The following PTPRN2 variants were observed in gnomAD, a reference collection of about 807,000 sequenced individuals.
PTPRN2 encodes protein tyrosine phosphatase receptor type N2.
A neutral mutation model predicts 118.8 loss-of-function variants in PTPRN2; 74 were observed. That is an observed-to-expected ratio of 0.62 (90% CI 0.52 to 0.76). PTPRN2 has a LOEUF of 0.76. PTPRN2 is among the 30% of genes least tolerant of loss of function. The pLI, the probability that PTPRN2 is intolerant of heterozygous loss-of-function variation, is 0.00. For missense variants in PTPRN2, 1,481 were observed against 1,394.4 expected (o/e 1.06, Z -0.99); for synonymous variants, 641 against 608.0 (o/e 1.05, Z -0.80).
chr7:157,880,920 G>T (rs1295586178), intron 12 of PTPRN2, among the ~76,000 whole-genome samples: 1 of 152,190 alleles, frequency 6.6e-6, no homozygotes, highest in Non-Finnish European at 1.5e-5. Flanking sequence ...ATGATAAAAA[G>T]GCACTCTGAG....
chr7:158,309,568 T>C (rs2151069733), intron 3 of PTPRN2, among the ~76,000 whole-genome samples: 1 of 152,288 alleles, frequency 6.6e-6, no homozygotes, highest in South Asian at 2.1e-4. Flanking sequence ...ATTTGACAAG[T>C]TATGTATTAC....
Position 158,319,424 on chromosome 7 carries a change from A to ACG in PTPRN2, c.164-2493_164-2492insCG, listed in dbSNP as rs1563131175. On this transcript the variant is annotated intron_variant, in intron 2 of 22. Coordinates refer to ENST00000389418, the MANE Select transcript of PTPRN2 (RefSeq NM_002847.5). Reference sequence around the variant, plus strand: ...CACACACACACACAGCCTCCCACACACACACACACACAGCCTCCCTCACAC... The same window carrying ACG: ...CACACACACACACAGCCTCCCACACACGCACACACACACAGCCTCCCTCACAC... Among the ~76,000 whole-genome samples the ACG allele has an allele frequency of 3.7e-4, 38 of 103,168 alleles. 8 individuals are homozygous for ACG. Among genetic ancestry groups the ACG allele is most frequent in the Non-Finnish European group, 6.7e-4 (33 of 49,146 alleles). 67.7% of individuals were successfully genotyped at this position (103,168 alleles called of 152,430 possible). A position where few individuals can be genotyped will look rare whatever the true frequency, so the allele number is the denominator to read the frequency against.
At chr7:157,737,743 G>A (rs780542960) in intron 12 of PTPRN2, among the ~76,000 whole-genome samples, 13 of 152,372 alleles carry the variant, frequency 8.5e-5, no homozygotes, top group East Asian at 1.9e-4. Flanking sequence ...TTACAGCATC[G>A]TGGGTGCCGG....
At chr7:157,571,763 C>T (rs1799769904) in intron 19 of PTPRN2, among the ~76,000 whole-genome samples, 1 of 152,200 alleles carries the variant, frequency 6.6e-6, no homozygotes, top group South Asian at 2.1e-4. Flanking sequence ...AACCAGTGGA[C>T]TCCCGGCCTG....
At chr7:158,162,046 A>C (rs1434095883) in intron 6 of PTPRN2, among the ~76,000 whole-genome samples, 1 of 152,020 alleles carries the variant, frequency 6.6e-6, no homozygotes, top group Non-Finnish European at 1.5e-5. Flanking sequence ...ACCACCACAC[A>C]CCTCTCAGAA....
chr7:157,876,596 C>T lies in PTPRN2; in HGVS notation c.1788+22077G>A, dbSNP rs528050242. Among the ~76,000 whole-genome samples, 209 of 152,306 alleles carry T rather than the reference C, an allele frequency of 1.4e-3. 1 individual carries two copies. The South Asian group carries it at 0.018, about 13-fold the overall frequency. ...TGCACAGACGGCCAAGGCAGGCAGA[C>T]GGCGGCAATCAGCAGCTTCCACGTC... On this transcript the variant is annotated intron_variant, in intron 12 of 22. Coordinates refer to ENST00000389418, the MANE Select transcript of PTPRN2 (RefSeq NM_002847.5).
At chr7:158,179,954 C>T (rs2150654566) in intron 5 of PTPRN2, among the ~76,000 whole-genome samples, 1 of 152,366 alleles carries the variant, frequency 6.6e-6, no homozygotes, top group Middle Eastern at 3.4e-3. Context: ...AATATGACTG[C>T]AAAGCTTCCC....
chr7:158,586,807 C>A (rs1214764567), intron 1 of PTPRN2, among the ~76,000 whole-genome samples: 2 of 152,218 alleles, frequency 1.3e-5, no homozygotes, highest in African/African-American at 4.8e-5. Flanking sequence ...ACATCCGAGG[C>A]CCGGCCCCTC....
At chr7:158,311,313 G>A (rs1301472192) in intron 3 of PTPRN2, among the ~76,000 whole-genome samples, 1 of 152,026 alleles carries the variant, frequency 6.6e-6, no homozygotes. Context: ...TGGTTTTTTT[G>A]CTTTTTGCTT....
chr7:157,613,227 G>C (rs922880553), intron 15 of PTPRN2, among the ~76,000 whole-genome samples: 2 of 152,264 alleles, frequency 1.3e-5, no homozygotes, highest in Admixed American at 6.5e-5. Context: ...CCGTTTTCTG[G>C]GCTAAGCAGC....
chr7:157,996,695 G>A (rs934698284), intron 11 of PTPRN2, among the ~76,000 whole-genome samples: 3 of 152,146 alleles, frequency 2.0e-5, no homozygotes, highest in African/African-American at 4.8e-5. Flanking sequence ...AGCTTTCTTC[G>A]TCTCTAGCTT....
chr7:157,971,714 C>T (rs945423025), intron 11 of PTPRN2, among the ~76,000 whole-genome samples: 1 of 151,956 alleles, frequency 6.6e-6, no homozygotes, highest in African/African-American at 2.4e-5. Context: ...AAAAAAAACC[C>T]ACCGTTTTAG....
At chr7:157,721,015 C>T (rs759734177) in intron 12 of PTPRN2, among the ~76,000 whole-genome samples, 2 of 146,828 alleles carry the variant, frequency 1.4e-5, no homozygotes, top group Non-Finnish European at 3.0e-5. Context: ...GTCAGGACAG[C>T]GGGATGGACG....
chr7:157,631,935 G>T (rs953283637), intron 14 of PTPRN2, among the ~76,000 whole-genome samples: 1 of 152,240 alleles, frequency 6.6e-6, no homozygotes, highest in Admixed American at 6.5e-5. Flanking sequence ...ACTGTAAGAG[G>T]ACAGATTCCT....
At chr7:157,702,243 G>T (rs1279273543) in intron 12 of PTPRN2, among the ~76,000 whole-genome samples, 1 of 151,158 alleles carries the variant, frequency 6.6e-6, no homozygotes, top group Admixed American at 6.6e-5. Flanking sequence ...AAGCCTGGTC[G>T]GTCCTGGTGT....
intron 11 of PTPRN2, among the ~76,000 whole-genome samples, chr7:157,914,522 G>A (rs997329226): frequency 6.6e-6 from 1 of 152,100 alleles, no homozygotes; most frequent in Non-Finnish European, 1.5e-5. Flanking sequence ...AGATGTGTAA[G>A]ATGATCCTCG....
chr7:157,900,433 G>T (rs77476869), intron 11 of PTPRN2, among the ~76,000 whole-genome samples: 7,883 of 152,290 alleles, frequency 0.052, 678 homozygotes, highest in African/African-American at 0.18. Flanking sequence ...CGAGCAGTGA[G>T]TCTAAGGGTG....
chr7:158,332,309 C>T (rs1804637790), intron 2 of PTPRN2, among the ~76,000 whole-genome samples: 1 of 46,702 alleles, frequency 2.1e-5, no homozygotes, highest in Non-Finnish European at 5.7e-5. Flanking sequence ...TCACTCACAC[C>T]CACACTCTCA....
intron 9 of PTPRN2, among the ~76,000 whole-genome samples, chr7:158,123,667 T>C (rs1817366189): frequency 6.6e-6 from 1 of 152,214 alleles, no homozygotes; most frequent in Non-Finnish European, 1.5e-5. Flanking sequence ...AACCACTGTA[T>C]TCTGACAACT....
Sources: gnomAD v4.1 joint callset for allele counts (sites outside exome capture counted in the v4.1 genomes callset) on GRCh38, gnomAD v4.1.1 for gene constraint, MANE v1.5 for transcripts, NCBI Gene and HGNC (gene_info 2026-07-23, HGNC 2026-07-21) for gene names.